FAM185A: variants seen among roughly 807,000 people sequenced by gnomAD.
FAM185A encodes the protein protein FAM185A.
FAM185A carries 21 observed loss-of-function variants against 45.7 expected under a neutral mutation model. The observed-to-expected ratio is 0.46, with a 90% CI of 0.33 to 0.66. The LOEUF (loss-of-function observed/expected upper bound fraction) is 0.66, where lower values mean the gene tolerates loss of function less well. Ranked by LOEUF, FAM185A falls within the 30% of genes least tolerant of loss-of-function variation. The probability of loss-of-function intolerance (pLI) is 0.03; values close to 1 mark genes in which losing one functional copy is unlikely to be tolerated. For synonymous variants in FAM185A, 117 were observed against 194.0 expected (o/e 0.60, Z 3.30); for missense variants, 305 against 485.4 (o/e 0.63, Z 3.49).
At chr7:102,751,613 G>A in intron 1 of FAM185A, 79 bp from the exon 2 acceptor site, 1 of 1,443,678 alleles carries the variant, frequency 6.9e-7, no homozygotes, top group Admixed American at 2.7e-5. Context: ...CATAACTGAG[G>A]AGTTGGGTTT....
Position 102,808,623 on chromosome 7 carries a change from A to G in FAM185A, c.*221A>G. On this transcript the variant is annotated 3_prime_UTR_variant, in exon 8 of 8. Coordinates refer to ENST00000413034, the MANE Select transcript of FAM185A (RefSeq NM_001145268.2). ...CACAAATTTAGCAGCATAAAATAAT[A>G]CTCATTTACAGCTATGTCTAGGTTC... 1 of 500,634 alleles carries G rather than the reference A, an allele frequency of 2.0e-6. No individual in the cohort carries two copies. The highest frequency in any genetic ancestry group is 3.3e-5 in the Admixed American group (1 of 30,482). The allele number at this position is 500,634 out of a possible 1,614,324, so 31.0% of individuals were successfully genotyped here.
chr7:102,831,729 T>C, the FAM185A span, among the ~76,000 whole-genome samples: 17,959 of 152,142 alleles, frequency 0.12, 1,229 homozygotes, highest in East Asian at 0.3. Flanking sequence ...TGGCTTAGGA[T>C]TCAAAGCAGT....
the FAM185A span, among the ~76,000 whole-genome samples, chr7:102,847,956 CATATGT>C: frequency 4.6e-5 from 7 of 152,132 alleles, no homozygotes; most frequent in African/African-American, 1.7e-4. Flanking sequence ...TACACATTGA[CATATGT>C]ATATGATCTA....
intron 6 of FAM185A, among the ~76,000 whole-genome samples, chr7:102,786,399 A>G (rs1015889789): frequency 1.4e-4 from 21 of 152,262 alleles, no homozygotes; most frequent in Non-Finnish European, 2.9e-5. Flanking sequence ...TCGTGGCACT[A>G]TTCACAATAG....
chr7:102,831,242 G>GT, the FAM185A span, among the ~76,000 whole-genome samples: 1 of 152,128 alleles, frequency 6.6e-6, no homozygotes, highest in Non-Finnish European at 1.5e-5. Flanking sequence ...CTCTGTTTTA[G>GT]TATCTCTAGA....
the FAM185A span, among the ~76,000 whole-genome samples, chr7:102,824,866 T>A: frequency 6.6e-6 from 1 of 151,448 alleles, no homozygotes; most frequent in South Asian, 2.1e-4. Flanking sequence ...TCAAGCTGTC[T>A]TCTTGCCGTA....
chr7:102,762,199 T>G (rs1321803824), intron 4 of FAM185A, among the ~76,000 whole-genome samples: 1 of 151,992 alleles, frequency 6.6e-6, no homozygotes, highest in Non-Finnish European at 1.5e-5. Flanking sequence ...AGCACCCTGT[T>G]GTTTCCATTT....
intron 5 of FAM185A, among the ~76,000 whole-genome samples, chr7:102,776,913 A>T (rs1013906727): frequency 6.6e-6 from 1 of 152,046 alleles, no homozygotes; most frequent in African/African-American, 2.4e-5. Flanking sequence ...ATGTATCAAC[A>T]TGATAAAAAA....
the FAM185A span, among the ~76,000 whole-genome samples, chr7:102,826,233 A>G: frequency 6.6e-6 from 1 of 152,204 alleles, no homozygotes; most frequent in Non-Finnish European, 1.5e-5. Context: ...ACCCGCCTTG[A>G]AGATGGACAG....
intron 2 of FAM185A, among the ~76,000 whole-genome samples, chr7:102,752,246 T>A (rs1289185652): frequency 6.6e-6 from 1 of 152,004 alleles, no homozygotes; most frequent in East Asian, 1.9e-4. Flanking sequence ...CAAAGTAACA[T>A]ATGATTCATC....
intron 6 of FAM185A, among the ~76,000 whole-genome samples, chr7:102,779,191 TGAA>T (rs1795258519): frequency 6.6e-6 from 1 of 152,210 alleles, no homozygotes; most frequent in Admixed American, 6.5e-5. Flanking sequence ...ATGTCAACCA[TGAA>T]GAAGTTTATG....
At chr7:102,822,464 A>C in the FAM185A span, 4 of 598,274 alleles carry the variant, frequency 6.7e-6, no homozygotes, top group Admixed American at 2.1e-5. Flanking sequence ...AGAGAGAGAG[A>C]GAGCTCTAGT....
chr7:102,778,292 C>T (rs918131178), intron 6 of FAM185A, among the ~76,000 whole-genome samples: 3 of 152,234 alleles, frequency 2.0e-5, no homozygotes, highest in African/African-American at 7.2e-5. Context: ...TTCTCAATAT[C>T]ATATTTTCTC....
chr7:102,781,373 C>T (rs550020466), intron 6 of FAM185A, among the ~76,000 whole-genome samples: 5 of 152,332 alleles, frequency 3.3e-5, no homozygotes, highest in African/African-American at 1.2e-4. Context: ...TCAAGTGGGT[C>T]CCTGACCCCC....
intron 7 of FAM185A, among the ~76,000 whole-genome samples, chr7:102,797,428 A>G (rs1368563349): frequency 6.6e-6 from 1 of 152,166 alleles, no homozygotes; most frequent in African/African-American, 2.4e-5. Context: ...GTAAGCCGAG[A>G]TCGCACCACT....
At chr7:102,849,735 A>G in the FAM185A span, among the ~76,000 whole-genome samples, 52 of 152,298 alleles carry the variant, frequency 3.4e-4, no homozygotes, top group Non-Finnish European at 6.5e-4. Context: ...ATTGGGCTGG[A>G]GGAGGCAAGG....
intron 7 of FAM185A, among the ~76,000 whole-genome samples, chr7:102,805,103 A>G (rs951197151): frequency 6.6e-6 from 1 of 152,222 alleles, no homozygotes; most frequent in African/African-American, 2.4e-5. Context: ...TAGTACAACC[A>G]CTATGGAAAA....
chr7:102,764,798 C>G (rs1269144096), intron 4 of FAM185A, among the ~76,000 whole-genome samples: 2 of 151,164 alleles, frequency 1.3e-5, no homozygotes, highest in African/African-American at 4.9e-5. Context: ...TTAAGCAAGG[C>G]TTAAACTAAT....
the FAM185A span, chr7:102,822,182 T>G: frequency 2.5e-6 from 4 of 1,614,098 alleles, no homozygotes; most frequent in Non-Finnish European, 3.4e-6. Context: ...GCCGATAACA[T>G]CTCCATTGCT....
Sources: allele counts gnomAD v4.1 joint callset (sites outside exome capture counted in the v4.1 genomes callset), GRCh38; gene constraint gnomAD v4.1.1; transcripts MANE v1.5; gene names NCBI Gene and HGNC (gene_info 2026-07-23, HGNC 2026-07-21).